Variants in ZNF804A observed in about 807,000 individuals in gnomAD.
ZNF804A encodes zinc finger protein 804A.
ZNF804A carries 2 observed loss-of-function variants against 16.5 expected under a neutral mutation model. The observed-to-expected ratio is 0.12, with a 90% CI of 0.05 to 0.38. ZNF804A has a LOEUF of 0.38. ZNF804A is among the 10% of genes least tolerant of loss of function. The probability of loss-of-function intolerance (pLI) is 0.99; values close to 1 mark genes in which losing one functional copy is unlikely to be tolerated. For synonymous variants in ZNF804A, 534 were observed against 489.6 expected, an observed-to-expected ratio of 1.09 and a Z score of -1.20; for missense variants, 1,473 against 1,390.7, an observed-to-expected ratio of 1.06 and a Z score of -0.94.
At chr2:184,751,280 A>G (rs915989721) in intron 1 of ZNF804A, among the ~76,000 whole-genome samples, 1 of 151,482 alleles carries the variant, frequency 6.6e-6, no homozygotes, top group Non-Finnish European at 1.5e-5. Context: ...GGGAAAGAAT[A>G]GCCTCTTCAA....
chr2:184,902,321 A>C (rs891364923), intron 2 of ZNF804A: 2 of 155,672 alleles, frequency 1.3e-5, no homozygotes, highest in African/African-American at 4.8e-5. Flanking sequence ...TCATGGCAGA[A>C]TCAGTGGTCA....
At chr2:184,747,359 A>G (rs1053528297) in intron 1 of ZNF804A, among the ~76,000 whole-genome samples, 3 of 149,964 alleles carry the variant, frequency 2.0e-5, no homozygotes, top group African/African-American at 7.3e-5. Flanking sequence ...TTTGAAATAA[A>G]TAAACAACTT....
chr2:184,624,963 T>G (rs892906445), intron 1 of ZNF804A, among the ~76,000 whole-genome samples: 1 of 152,166 alleles, frequency 6.6e-6, no homozygotes, highest in Non-Finnish European at 1.5e-5. Context: ...CAGCAGTAAG[T>G]GATTGTTCCG....
At position 184,663,829 on chromosome 2, in the gene ZNF804A, G is replaced by A. The variant is rs192309354; in HGVS notation, c.111+64759G>A. On this transcript the variant is annotated intron_variant, in intron 1 of 3. Coordinates refer to ENST00000302277, the MANE Select transcript of ZNF804A (RefSeq NM_194250.2). ...GATTATAGCCCTCGTATGAAAGAAC[G>A]CTTGCTATGGGAACCCAGTATTAAT... Among the ~76,000 whole-genome samples, 46 of 152,280 alleles carry A rather than the reference G, an allele frequency of 3.0e-4. No individual in the cohort carries two copies. In the East Asian group the frequency reaches 6.0e-3, roughly 20 times the overall value.
intron 2 of ZNF804A, among the ~76,000 whole-genome samples, chr2:184,895,973 A>G (rs1685058419): frequency 6.6e-6 from 1 of 152,226 alleles, no homozygotes; most frequent in East Asian, 1.9e-4. Context: ...ATGTTTTAAC[A>G]TAAAAACACA....
chr2:184,725,796 T>A (rs891445162), intron 1 of ZNF804A, among the ~76,000 whole-genome samples: 1 of 151,516 alleles, frequency 6.6e-6, no homozygotes, highest in Non-Finnish European at 1.5e-5. Flanking sequence ...AGTCACACCC[T>A]CCTCTCCCCT....
chr2:184,647,536 T>TA (rs1055580103), intron 1 of ZNF804A, among the ~76,000 whole-genome samples: 3 of 152,090 alleles, frequency 2.0e-5, no homozygotes, highest in African/African-American at 7.2e-5. Context: ...ATAAACATTA[T>TA]AAAAATAAAT....
chr2:184,695,465 TAAAAAAA>T (rs779929990), intron 1 of ZNF804A, among the ~76,000 whole-genome samples: 22 of 51,832 alleles, frequency 4.2e-4, no homozygotes, highest in East Asian at 2.4e-3. Context: ...ACTCCGTCAT[TAAAAAAA>T]AAAAAAAAAA....
intron 1 of ZNF804A, among the ~76,000 whole-genome samples, chr2:184,851,206 C>G (rs1695597391): frequency 6.6e-6 from 1 of 151,776 alleles, no homozygotes; most frequent in Non-Finnish European, 1.5e-5. Context: ...CACGTAAAAT[C>G]TACCCTCTTA....
chr2:184,881,274 G>C (rs185442897), intron 2 of ZNF804A, among the ~76,000 whole-genome samples: 57 of 151,752 alleles, frequency 3.8e-4, no homozygotes, highest in African/African-American at 1.3e-3. Flanking sequence ...ATTATGTGAA[G>C]AAACCAAGTC....
chr2:184,897,342 A>AT (rs933204303), intron 2 of ZNF804A, among the ~76,000 whole-genome samples: 5 of 151,110 alleles, frequency 3.3e-5, no homozygotes, highest in South Asian at 2.1e-4. Flanking sequence ...CCATACAGCA[A>AT]TTTTTTCCCC....
intron 2 of ZNF804A, among the ~76,000 whole-genome samples, chr2:184,930,647 A>C (rs1685683578): frequency 6.6e-6 from 1 of 152,172 alleles, no homozygotes; most frequent in Non-Finnish European, 1.5e-5. Flanking sequence ...AATCATTAGG[A>C]GCCTACTGTT....
At chr2:184,843,423 C>T (rs1047678448) in intron 1 of ZNF804A, among the ~76,000 whole-genome samples, 10 of 151,828 alleles carry the variant, frequency 6.6e-5, no homozygotes, top group East Asian at 1.9e-4. Flanking sequence ...CCACCATGCC[C>T]GGCTAATTTT....
At position 184,938,440 on chromosome 2, in the gene ZNF804A, A is replaced by G. The variant is rs766471089; in HGVS notation, c.3044A>G (p.His1015Arg). ...TTCAAAGAAGCACATGTCAGTGGTC[A>G]TACTTTTGTAACAGCTGAGCAAATC... is the stretch of plus-strand genomic sequence containing the variant. ...LPFKEAHVSG[H>R]TFVTAEQILA... Residue 1015 changes from histidine (H) to arginine (R), a missense_variant, in exon 4 of 4, where the codon CAT becomes CGT. Transcript: ENST00000302277. 26 of 1,613,984 alleles carry G rather than the reference A, an allele frequency of 1.6e-5. No individual in the cohort carries two copies. In the South Asian group the frequency reaches 2.9e-4, roughly 18 times the overall value.
chr2:184,905,824 G>A (rs1685263548), intron 2 of ZNF804A, among the ~76,000 whole-genome samples: 1 of 152,126 alleles, frequency 6.6e-6, no homozygotes, highest in Non-Finnish European at 1.5e-5. Flanking sequence ...GAGAACCACT[G>A]TTCTAGCTGT....
chr2:184,918,018 G>A (rs935213650), intron 2 of ZNF804A, among the ~76,000 whole-genome samples: 11 of 152,012 alleles, frequency 7.2e-5, no homozygotes, highest in South Asian at 4.1e-4. Flanking sequence ...TGAGGGTCTT[G>A]TCCATTATTA....
chr2:184,832,205 G>A (rs999435834), intron 1 of ZNF804A, among the ~76,000 whole-genome samples: 12 of 151,956 alleles, frequency 7.9e-5, no homozygotes, highest in African/African-American at 2.2e-4. Context: ...CAACTTGGTA[G>A]TTTGCCAGTG....
At chr2:184,747,759 T>G (rs950165613) in intron 1 of ZNF804A, among the ~76,000 whole-genome samples, 2 of 151,240 alleles carry the variant, frequency 1.3e-5, no homozygotes, top group African/African-American at 4.8e-5. Flanking sequence ...TGGACTCTGA[T>G]AGTGAGCATA....
At chr2:184,932,488 A>C (rs996166285) in intron 2 of ZNF804A, among the ~76,000 whole-genome samples, 1 of 152,106 alleles carries the variant, frequency 6.6e-6, no homozygotes, top group Non-Finnish European at 1.5e-5. Flanking sequence ...AGACTCATTC[A>C]CTATCACAAT....
Sources: allele counts gnomAD v4.1 joint callset (sites outside exome capture counted in the v4.1 genomes callset), GRCh38; gene constraint gnomAD v4.1.1; transcripts MANE v1.5; gene names NCBI Gene and HGNC (gene_info 2026-07-23, HGNC 2026-07-21).